Variants in USP15 observed in about 807,000 individuals in gnomAD.
The protein encoded by USP15 is ubiquitin carboxyl-terminal hydrolase 15.
In USP15, 18 loss-of-function variants were observed where a neutral mutation model predicts 127.1. The observed-to-expected ratio is 0.14, with a 90% CI of 0.10 to 0.21. USP15 has a LOEUF of 0.21. Among genes scored for constraint, USP15 ranks in the 10% least tolerant of loss-of-function variants. The probability of loss-of-function intolerance (pLI) is 1.00; values close to 1 mark genes in which losing one functional copy is unlikely to be tolerated. For missense variants in USP15, 805 were observed against 1,159.9 expected (o/e 0.69, Z 4.44); for synonymous variants, 364 against 393.7 (o/e 0.92, Z 0.89).
chr12:62,381,072 C>T (rs994516917), intron 8 of USP15, among the ~76,000 whole-genome samples: 1 of 152,030 alleles, frequency 6.6e-6, no homozygotes, highest in African/African-American at 2.4e-5. Context: ...GTAAATACCT[C>T]TATTAAGTTA....
In USP15 at chr12:62,406,847, C is replaced by T. The variant is rs958909274; in HGVS notation, c.*2472C>T. 5.9e-5 allele frequency: 9 copies of T among 151,872 alleles called. No homozygotes were observed. The highest frequency in any genetic ancestry group is 2.2e-4 in the African/African-American group (9 of 41,326). 9.4% of individuals were successfully genotyped at this position (151,872 alleles called of 1,614,324 possible). A position where few individuals can be genotyped will look rare whatever the true frequency, so the allele number is the denominator to read the frequency against. ...AGCTGGGTGTGCACACACCTGTGTT[C>T]CCAGCTACTGGGGAGGCTGAGGTGA... On this transcript the variant is annotated 3_prime_UTR_variant, in exon 22 of 22. Coordinates refer to ENST00000280377, the MANE Select transcript of USP15 (RefSeq NM_001252078.2).
intron 6 of USP15, chr12:62,327,565 C>A: frequency 2.6e-6 from 1 of 382,136 alleles, no homozygotes; most frequent in South Asian, 1.9e-5. Flanking sequence ...AAAAAAAACC[C>A]ATGAGTTCTA....
At chr12:62,289,705 G>GTGTGTGTGTT (rs1197602661) in intron 1 of USP15, among the ~76,000 whole-genome samples, 1 of 150,124 alleles carries the variant, frequency 6.7e-6, no homozygotes, top group African/African-American at 2.4e-5. Flanking sequence ...ATTTGTGTGT[G>GTGTGTGTGTT]TGTGTGTGTG....
At chr12:62,288,375 T>C (rs1368669455) in intron 1 of USP15, among the ~76,000 whole-genome samples, 1 of 138,892 alleles carries the variant, frequency 7.2e-6, no homozygotes, top group Non-Finnish European at 1.5e-5. Flanking sequence ...GTAGCTTTGG[T>C]AAATGAAACT....
intron 2 of USP15, among the ~76,000 whole-genome samples, chr12:62,301,139 A>G (rs2064305555): frequency 6.6e-6 from 1 of 152,208 alleles, no homozygotes. Context: ...CATAATTCAT[A>G]TTAGAGAAAT....
chr12:62,330,401 C>G (rs918266046), intron 6 of USP15, among the ~76,000 whole-genome samples: 3 of 151,346 alleles, frequency 2.0e-5, no homozygotes, highest in Non-Finnish European at 4.4e-5. Context: ...CCAGCCTGAT[C>G]AACATGGTGA....
At chr12:62,261,164 G>C (rs189444963) in intron 1 of USP15, among the ~76,000 whole-genome samples, 1 of 152,284 alleles carries the variant, frequency 6.6e-6, no homozygotes. Flanking sequence ...CAGCGTTTCT[G>C]TTAGACGTGC....
intron 1 of USP15, among the ~76,000 whole-genome samples, chr12:62,261,329 C>G (rs1187206902): frequency 2.0e-5 from 3 of 152,134 alleles, no homozygotes. Context: ...TCACACTTGT[C>G]GACCATATCA....
At chr12:62,384,626 TC>T (rs1423210468) in intron 11 of USP15, among the ~76,000 whole-genome samples, 1 of 97,276 alleles carries the variant, frequency 1.0e-5, no homozygotes, top group Non-Finnish European at 2.1e-5. Context: ...ACTTCAACTT[TC>T]TTTAGTGTTA....
chr12:62,327,132 AAAAT>A (rs1490791046), intron 6 of USP15, among the ~76,000 whole-genome samples: 3 of 152,140 alleles, frequency 2.0e-5, no homozygotes, highest in Admixed American at 6.6e-5. Flanking sequence ...CTTTCTCCAA[AAAAT>A]AAATAAATAT....
chr12:62,311,039 T>TTCA (rs1444782323), intron 3 of USP15, among the ~76,000 whole-genome samples: 1 of 152,006 alleles, frequency 6.6e-6, no homozygotes, highest in Non-Finnish European at 1.5e-5. Flanking sequence ...GAAATGTCTA[T>TTCA]TCATGTCCTT....
chr12:62,374,677 G>A, intron 8 of USP15: 1 of 795,028 alleles, frequency 1.3e-6, no homozygotes. Flanking sequence ...AAAAACTTAT[G>A]TAGAAATTTA....
rs571643157 is a variant in USP15 at position 62,311,485 on chromosome 12, G to A, written c.349-3305G>A. 9.2e-5 allele frequency among the ~76,000 whole-genome samples: 14 copies of A among 151,750 alleles called. No individual in the cohort carries two copies. The South Asian group carries it at 2.7e-3, about 29-fold the overall frequency. ...AAGCAGCCCTAGATAATTAATAATT[G>A]GGTATGAAAGTAGCCGTAAACATAA... On this transcript the variant is annotated intron_variant, in intron 3 of 21. Transcript: ENST00000280377.
intron 6 of USP15, among the ~76,000 whole-genome samples, chr12:62,339,699 A>G (rs1333857703): frequency 2.6e-5 from 4 of 152,166 alleles, no homozygotes; most frequent in Non-Finnish European, 1.5e-5. Flanking sequence ...ATTGATTTGC[A>G]TATGTTGAAC....
rs2067259372 is a variant in USP15, at chr12:62,389,614, A to T, written c.1567A>T (p.Thr523Ser). 1 of 1,611,704 alleles carries T rather than the reference A, an allele frequency of 6.2e-7. No individual in the cohort carries two copies. Among genetic ancestry groups the T allele is most frequent in the East Asian group, 2.2e-5 (1 of 44,790 alleles). Residue 523 changes from threonine to serine, a missense_variant, in exon 13 of 22, where the codon ACT (threonine) becomes TCT (serine). Thr to Ser is a moderately conservative substitution (Grantham distance 58). Coordinates refer to ENST00000280377, the MANE Select transcript of USP15 (RefSeq NM_001252078.2). ...SGIPADKMIV[T>S]DIYNHRFHRI... The stretch of plus-strand genomic sequence containing the variant: ...ATTCGTTTCCTTTTAGATGATAGTT[A>T]CTGATATATACAATCATAGATTTCA...
Position 62,349,211 on chromosome 12 carries a change from A to G in USP15, c.684-10A>G, listed in dbSNP as rs1592643754. 7.0e-7 allele frequency: 1 copy of G among 1,424,648 alleles called. No individual in the cohort carries two copies. 88.3% of individuals were successfully genotyped at this position (1,424,648 alleles called of 1,614,324 possible). A position where few individuals can be genotyped will look rare whatever the true frequency, so the allele number is the denominator to read the frequency against. ...TTTTTATCTAATTTAACATTTTCATATTTTTAAAGGTCCCCAGGTGCATCC... is the reference window on the plus strand; with the variant it reads ...TTTTTATCTAATTTAACATTTTCATGTTTTTAAAGGTCCCCAGGTGCATCC... On this transcript the variant is annotated splice_polypyrimidine_tract_variant and intron_variant, in intron 6 of 21. Transcript: ENST00000280377.
intron 19 of USP15, among the ~76,000 whole-genome samples, chr12:62,395,467 C>G (rs966230559): frequency 6.6e-6 from 1 of 151,916 alleles, no homozygotes; most frequent in African/African-American, 2.4e-5. Flanking sequence ...AATGGGGTAT[C>G]CATCCTCTCA....
intron 1 of USP15, among the ~76,000 whole-genome samples, chr12:62,271,944 A>G (rs1405229422): frequency 1.3e-5 from 2 of 151,906 alleles, no homozygotes; most frequent in Non-Finnish European, 2.9e-5. Context: ...AAATTAAGCT[A>G]TAAAGAGATG....
At chr12:62,331,760 CAT>C (rs966983375) in intron 6 of USP15, among the ~76,000 whole-genome samples, 14 of 152,112 alleles carry the variant, frequency 9.2e-5, no homozygotes, top group Admixed American at 6.5e-5. Flanking sequence ...TAATTTAAAA[CAT>C]GTAGTCATTT....
Sources: allele counts gnomAD v4.1 joint callset (sites outside exome capture counted in the v4.1 genomes callset), GRCh38; gene constraint gnomAD v4.1.1; transcripts MANE v1.5; gene names NCBI Gene and HGNC (gene_info 2026-07-23, HGNC 2026-07-21).